Variants in SPAG5 observed in about 807,000 individuals in gnomAD.
SPAG5 encodes sperm associated antigen 5.
A neutral mutation model predicts 145.4 loss-of-function variants in SPAG5; 99 were observed. The observed-to-expected ratio is 0.68, with a 90% CI of 0.58 to 0.80. The LOEUF is 0.80. Among genes scored for constraint, SPAG5 ranks in the 30% least tolerant of loss-of-function variants. The probability of loss-of-function intolerance (pLI) is 0.00; values close to 1 mark genes in which losing one functional copy is unlikely to be tolerated. For synonymous variants in SPAG5, 477 were observed against 525.4 expected (o/e 0.91, Z 1.26); for missense variants, 1,192 against 1,416.0 (o/e 0.84, Z 2.54).
Position 28,585,904 on chromosome 17 carries a change from G to T in SPAG5, c.1700C>A (p.Ala567Glu), listed in dbSNP as rs771475918. Residue 567 changes from alanine (A) to glutamate (E), a missense_variant, in exon 7 of 24, where the codon GCA (alanine) becomes GAA (glutamate). Physicochemically the swap from Ala to Glu is moderately radical, Grantham distance 107. Coordinates refer to ENST00000321765, the MANE Select transcript of SPAG5 (RefSeq NM_006461.4). The part of the protein sequence containing the change: ...LQSLKAEREE[A>E]RHREEMALRG... The stretch of plus-strand genomic sequence containing the variant: ...GAGAGCCATTTCCTCTCTGTGCCTT[G>T]CCTCCTCCCTTTCTGCTTTGAGGCT... 1.2e-6 allele frequency: 2 copies of T among 1,614,132 alleles called. No homozygotes were observed. Among genetic ancestry groups the T allele is most frequent in the Admixed American group, 3.3e-5 (2 of 60,018 alleles).
chr17:28,596,612 G>A (rs747133264), intron 2 of SPAG5, among the ~76,000 whole-genome samples: 49 of 152,252 alleles, frequency 3.2e-4, no homozygotes, highest in Middle Eastern at 3.4e-3. Context: ...AGGTTGCAAC[G>A]AGCCAAGATC....
At chr17:28,578,113 A>T in intron 22 of SPAG5, 23 bp from the exon 23 acceptor site, 1 of 1,612,338 alleles carries the variant, frequency 6.2e-7, no homozygotes, top group Non-Finnish European at 8.5e-7. Flanking sequence ...CAGATTTTAT[A>T]AGTCCTATGC....
chr17:28,586,176 A>G lies in SPAG5; in HGVS notation c.1519T>C (p.Trp507Arg). 1 of 1,613,700 alleles carries G rather than the reference A, an allele frequency of 6.2e-7. No homozygotes were observed. The highest frequency in any genetic ancestry group is 1.3e-5 in the African/African-American group (1 of 75,040). The change falls in exon 6 of 24, where the codon TGG (tryptophan) becomes CGG (arginine). Residue 507 changes from tryptophan to arginine, a missense_variant. Trp to Arg is a moderately radical substitution (Grantham distance 101). This residue lies in a region of SPAG5 where 709 missense variants were observed against 840.7 expected (regional missense o/e 0.84). Transcript: ENST00000321765. ...ATCAGCTCTTTAGAGATAAGCACCCATGATTGCTGTAGAGAAAAAAATGGG... is the reference window on the plus strand; with the variant it reads ...ATCAGCTCTTTAGAGATAAGCACCCGTGATTGCTGTAGAGAAAAAAATGGG... ...LQQARNVMQS[W>R]VLISKELISL...
chr17:28,578,521 C>CT lies in SPAG5; in HGVS notation c.3205dup (p.Arg1069LysfsTer64). 6.2e-7 allele frequency: 1 copy of CT among 1,610,490 alleles called. No homozygotes were observed. Among genetic ancestry groups the CT allele is most frequent in the Non-Finnish European group, 8.5e-7 (1 of 1,179,978 alleles). ...GCGGGTAAGGTGGGTCACCTCCTCT[C>CT]TAAGGCTCTGGGAATGAGAATGGAG... On this transcript the variant is annotated frameshift_variant, in exon 21 of 24. Coordinates refer to ENST00000321765, the MANE Select transcript of SPAG5 (RefSeq NM_006461.4). LOFTEE classifies it high-confidence loss of function.
chr17:28,579,176 CTA>C lies in SPAG5; in HGVS notation c.3080_3081del (p.Ile1027ArgfsTer14). ...QEVQKAKEAD[I>X]EKLNQALCLR... is the part of the protein sequence containing the mutation. Reference sequence around the variant, plus strand: ...AAGCACAAGGCCTGGTTCAGCTTCTCTATGTCTGCTTCTTTTGCCTTCTGGAC... The same window carrying C: ...AAGCACAAGGCCTGGTTCAGCTTCTCTGTCTGCTTCTTTTGCCTTCTGGAC... On this transcript the variant is annotated frameshift_variant, in exon 19 of 24. Coordinates refer to ENST00000321765, the MANE Select transcript of SPAG5 (RefSeq NM_006461.4). LOFTEE classifies it high-confidence loss of function. 4 of 1,614,064 alleles carry C rather than the reference CTA, an allele frequency of 2.5e-6. No individual in the cohort carries two copies. Among genetic ancestry groups the C allele is most frequent in the African/African-American group, 1.3e-5 (1 of 75,066 alleles).
In SPAG5 at chr17:28,584,716, G is replaced by T; in HGVS notation, c.2097C>A (p.Ala699=). ...EVSRVLEQVS[A]QLEECKGQTE... ...TTTGGCCTTTGCACTCCTCTAACTG[G>T]GCAGAGACTTGTTCCAGCACCCTAG... The change falls in exon 11 of 24, where the codon GCC becomes GCA. Residue 699 remains alanine (A), a synonymous_variant. Coordinates refer to ENST00000321765, the MANE Select transcript of SPAG5 (RefSeq NM_006461.4). 6.2e-7 allele frequency: 1 copy of T among 1,613,976 alleles called. No individual in the cohort carries two copies. Among genetic ancestry groups the T allele is most frequent in the Non-Finnish European group, 8.5e-7 (1 of 1,179,956 alleles).
chr17:28,594,073 G>T (rs1294794734), intron 2 of SPAG5, among the ~76,000 whole-genome samples: 4 of 151,982 alleles, frequency 2.6e-5, no homozygotes, highest in Non-Finnish European at 4.4e-5. Flanking sequence ...TTAAATAAAA[G>T]AAATTCCAGA....
rs570880718 is a variant in SPAG5, at chr17:28,598,995, C to T, written c.-49G>A. ...CACGTCTCAGACCAAGTCGAGGACG[C>T]CATGTTCACCCGCCGTCTGTGTTTG... On this transcript the variant is annotated 5_prime_UTR_variant, in exon 1 of 24. Transcript: ENST00000321765. 19 of 1,567,512 alleles carry T rather than the reference C, an allele frequency of 1.2e-5. No individual in the cohort carries two copies. The highest frequency in any genetic ancestry group is 1.6e-5 in the Non-Finnish European group (18 of 1,138,194).
In SPAG5 at chr17:28,592,076, G is replaced by T. The variant is rs1332571189; in HGVS notation, c.1168C>A (p.Pro390Thr). 2 of 1,613,972 alleles carry T rather than the reference G, an allele frequency of 1.2e-6. No homozygotes were observed. The highest frequency in any genetic ancestry group is 1.7e-6 in the Non-Finnish European group (2 of 1,180,024). The change falls in exon 3 of 24, where the codon CCT (proline) becomes ACT (threonine). Residue 390 changes from proline (P) to threonine (T), a missense_variant. Physicochemically the swap from Pro to Thr is conservative, Grantham distance 38. Coordinates refer to ENST00000321765, the MANE Select transcript of SPAG5 (RefSeq NM_006461.4). ...GTACTCTTTTCCTGTGGTGCTGAAG[G>T]AGTAAACCAAGTCCCCACCGAGCAA... is the stretch of plus-strand genomic sequence containing the variant. ...STCSVGTWFT[P>T]SAPQEKSTNT...
chr17:28,579,172 TTC>T lies in SPAG5; in HGVS notation c.3084_3085del (p.Lys1029AlafsTer12), dbSNP rs1474984724. 6.2e-7 allele frequency: 1 copy of T among 1,613,996 alleles called. No homozygotes were observed. Among genetic ancestry groups the T allele is most frequent in the Admixed American group, 1.7e-5 (1 of 60,026 alleles). On this transcript the variant is annotated frameshift_variant, in exon 19 of 24. Transcript: ENST00000321765. LOFTEE classifies it high-confidence loss of function. Reference sequence around the variant, plus strand: ...GCGCAAGCACAAGGCCTGGTTCAGCTTCTCTATGTCTGCTTCTTTTGCCTTCT... The same window carrying T: ...GCGCAAGCACAAGGCCTGGTTCAGCTTCTATGTCTGCTTCTTTTGCCTTCT...
Position 28,598,981 on chromosome 17 carries a change from C to A in SPAG5, c.-35G>T. ...GAAGGCAGGCCTATCACGTCTCAGACCAAGTCGAGGACGCCATGTTCACCC... is the reference window on the plus strand; with the variant it reads ...GAAGGCAGGCCTATCACGTCTCAGAACAAGTCGAGGACGCCATGTTCACCC... On this transcript the variant is annotated 5_prime_UTR_variant, in exon 1 of 24. Transcript: ENST00000321765. The A allele has an allele frequency of 6.2e-7, 1 of 1,608,792 alleles. No individual in the cohort carries two copies. The highest frequency in any genetic ancestry group is 1.1e-5 in the South Asian group (1 of 90,972).
At chr17:28,594,063 T>G (rs1383119411) in intron 2 of SPAG5, among the ~76,000 whole-genome samples, 10 of 151,746 alleles carry the variant, frequency 6.6e-5, no homozygotes. Flanking sequence ...TACCTAACAG[T>G]TAAATAAAAG....
chr17:28,582,323 T>C (rs1043326453), intron 15 of SPAG5, among the ~76,000 whole-genome samples: 1 of 152,220 alleles, frequency 6.6e-6, no homozygotes, highest in African/African-American at 2.4e-5. Context: ...GAACACATCA[T>C]GTACTATGTG....
chr17:28,592,594 G>A lies in SPAG5; in HGVS notation c.650C>T (p.Ser217Phe), dbSNP rs1250908423. 4.3e-6 allele frequency: 7 copies of A among 1,614,176 alleles called. No homozygotes were observed. The highest frequency in any genetic ancestry group is 5.9e-6 in the Non-Finnish European group (7 of 1,180,032). Residue 217 changes from serine (S) to phenylalanine (F), a missense_variant, in exon 3 of 24, where the codon TCC becomes TTC. Ser to Phe is a radical substitution (Grantham distance 155). This residue lies in a region of SPAG5 where 329 missense variants were observed against 354.0 expected (regional missense o/e 0.93). Coordinates refer to ENST00000321765, the MANE Select transcript of SPAG5 (RefSeq NM_006461.4). ...PNPCSEQLHC[S>F]KESLSSRTEA... ...AGTTCTACTGCTCAGGCTTTCCTTG[G>A]AGCAATGTAGTTGTTCAGAACAGGG... is the stretch of plus-strand genomic sequence containing the variant.
At chr17:28,596,769 C>T (rs1205664708) in intron 2 of SPAG5, among the ~76,000 whole-genome samples, 12 of 152,122 alleles carry the variant, frequency 7.9e-5, no homozygotes. Flanking sequence ...GCTGTACTGT[C>T]TAATATGATA....
At chr17:28,586,800 G>A (rs1211787338) in intron 4 of SPAG5, among the ~76,000 whole-genome samples, 1 of 152,042 alleles carries the variant, frequency 6.6e-6, no homozygotes, top group African/African-American at 2.4e-5. Flanking sequence ...CAAAGTGCTG[G>A]GATTACAGGG....
chr17:28,586,829 C>T (rs142493643), intron 4 of SPAG5, among the ~76,000 whole-genome samples: 135 of 152,276 alleles, frequency 8.9e-4, no homozygotes, highest in Non-Finnish European at 1.6e-3. Context: ...CCATGACCAG[C>T]CAAGTTGTTC....
At chr17:28,590,618 C>A (rs2070613825) in intron 4 of SPAG5, among the ~76,000 whole-genome samples, 1 of 152,000 alleles carries the variant, frequency 6.6e-6, no homozygotes, top group Non-Finnish European at 1.5e-5. Flanking sequence ...CGCCTGTAAT[C>A]CCAGCACTTT....
rs374233952 is a variant in SPAG5 at position 28,598,988 on chromosome 17, G to C, written c.-42C>G. ...GGCCTATCACGTCTCAGACCAAGTCGAGGACGCCATGTTCACCCGCCGTCT... is the reference window on the plus strand; with the variant it reads ...GGCCTATCACGTCTCAGACCAAGTCCAGGACGCCATGTTCACCCGCCGTCT... On this transcript the variant is annotated 5_prime_UTR_variant, in exon 1 of 24. Transcript: ENST00000321765. 1.8e-4 allele frequency: 281 copies of C among 1,598,092 alleles called. No homozygotes were observed. Among genetic ancestry groups the C allele is most frequent in the Non-Finnish European group, 2.3e-4 (268 of 1,165,812 alleles).
Sources: allele counts gnomAD v4.1 joint callset (sites outside exome capture counted in the v4.1 genomes callset), GRCh38; gene constraint gnomAD v4.1.1; regional missense constraint gnomAD v4.1.1; transcripts MANE v1.5; gene names NCBI Gene and HGNC (gene_info 2026-07-23, HGNC 2026-07-21).